Variants in ZFPM1 observed in about 807,000 individuals in gnomAD.
ZFPM1 encodes zinc finger protein ZFPM1.
In ZFPM1, 28 loss-of-function variants were observed where a neutral mutation model predicts 46.3. The ratio of observed to expected loss-of-function variants is 0.60; its 90% CI spans 0.45 to 0.83. The LOEUF (loss-of-function observed/expected upper bound fraction) is 0.83, where lower values mean the gene tolerates loss of function less well. Ranked by LOEUF, ZFPM1 falls within the 40% of genes least tolerant of loss-of-function variation. The pLI is 0.00. For synonymous variants in ZFPM1, 957 were observed against 675.9 expected (o/e 1.42, Z -6.45); for missense variants, 1,878 against 1,432.4 (o/e 1.31, Z -5.02).
At chr16:88,532,491 A>G (rs965092573) in intron 7 of ZFPM1, 123 bp from the exon 8 acceptor site, 2 of 1,056,052 alleles carry the variant, frequency 1.9e-6, no homozygotes, top group Middle Eastern at 2.2e-4. Context: ...GAGGGGTTTA[A>G]AGACCCTTCA....
At position 88,532,012 on chromosome 16, in the gene ZFPM1, C is replaced by T. The variant is rs747220840; in HGVS notation, c.723C>T (p.Phe241=). The T allele has an allele frequency of 6.2e-7, 1 of 1,604,084 alleles. No homozygotes were observed. The highest frequency in any genetic ancestry group is 1.3e-5 in the African/African-American group (1 of 74,844). The change falls in exon 7 of 10, where the codon TTC becomes TTT. Residue 241 remains phenylalanine, a synonymous_variant. Transcript: ENST00000319555. The part of the protein sequence containing the change: ...LATAVINKDV[F]PCKDCGIWYR... ...CTTCCCACCCCACAGAAGACGTCTT[C>T]CCCTGCAAGGACTGTGGCATCTGGT...
chr16:88,459,217 G>A (rs189867416), intron 1 of ZFPM1, among the ~76,000 whole-genome samples: 8 of 152,244 alleles, frequency 5.3e-5, no homozygotes, highest in African/African-American at 7.2e-5. Flanking sequence ...CCCACTCCCC[G>A]CTCAGGCCCA....
intron 3 of ZFPM1, among the ~76,000 whole-genome samples, chr16:88,511,978 G>C (rs1176405344): frequency 6.6e-6 from 1 of 152,086 alleles, no homozygotes; most frequent in Non-Finnish European, 1.5e-5. Flanking sequence ...GAGGCCCCTC[G>C]CCCAGCCCCC....
At position 88,490,915 on chromosome 16, in the gene ZFPM1, A is replaced by G. The variant is rs369482363; in HGVS notation, c.268+1762A>G. Among the ~76,000 whole-genome samples the G allele has an allele frequency of 1.6e-3, 239 of 152,246 alleles. 1 individual carries two copies. Among genetic ancestry groups the G allele is most frequent in the African/African-American group, 5.6e-3 (231 of 41,538 alleles). ...ACAGATGGTGGGGGTTCCAGGCGCCATGGTAGAAACTTGCTGGCTGCGTCC... is the reference window on the plus strand; with the variant it reads ...ACAGATGGTGGGGGTTCCAGGCGCCGTGGTAGAAACTTGCTGGCTGCGTCC... On this transcript the variant is annotated intron_variant, in intron 3 of 9. Coordinates refer to ENST00000319555, the MANE Select transcript of ZFPM1 (RefSeq NM_153813.3).
chr16:88,532,713 G>A lies in ZFPM1; in HGVS notation c.1042+4G>A, dbSNP rs1912889521. 5 of 1,612,048 alleles carry A rather than the reference G, an allele frequency of 3.1e-6. No individual in the cohort carries two copies. Among genetic ancestry groups the A allele is most frequent in the African/African-American group, 1.3e-5 (1 of 75,018 alleles). ...GTGCACACGGACACGCTGAGCGGTA[G>A]GCACCGCAGGGGCCGGGGGGTGTGT... On this transcript the variant is annotated splice_donor_region_variant and intron_variant, in intron 8 of 9. Coordinates refer to ENST00000319555, the MANE Select transcript of ZFPM1 (RefSeq NM_153813.3).
At chr16:88,511,475 G>T (rs183735923) in intron 3 of ZFPM1, among the ~76,000 whole-genome samples, 6 of 151,516 alleles carry the variant, frequency 4.0e-5, no homozygotes, top group African/African-American at 1.5e-4. Context: ...AACTGCCTGT[G>T]TCTTCCTGCC....
chr16:88,533,097 G>T, intron 9 of ZFPM1, 51 bp from the exon 10 acceptor site: 2 of 1,084,284 alleles, frequency 1.8e-6, no homozygotes, highest in Non-Finnish European at 1.2e-6. Flanking sequence ...AGCTCTGACC[G>T]GCCAGGTCCT....
intron 1 of ZFPM1, among the ~76,000 whole-genome samples, chr16:88,455,132 G>GGGGTGTGT (rs1181672760): frequency 1.3e-4 from 18 of 141,770 alleles, no homozygotes; most frequent in African/African-American, 3.8e-4. Flanking sequence ...TCGGTTCTGG[G>GGGGTGTGT]GTGTGTGTGT....
chr16:88,519,573 T>C (rs909385444), intron 4 of ZFPM1, among the ~76,000 whole-genome samples: 2 of 143,600 alleles, frequency 1.4e-5, no homozygotes, highest in Non-Finnish European at 3.0e-5. Context: ...GATGGATGGA[T>C]GAATGGGAGG....
intron 4 of ZFPM1, among the ~76,000 whole-genome samples, chr16:88,525,091 G>GT (rs1354401458): frequency 2.0e-5 from 3 of 152,278 alleles, no homozygotes; most frequent in African/African-American, 4.8e-5. Flanking sequence ...CCCAAAGGCT[G>GT]TATCTTGCTA....
chr16:88,525,134 G>A (rs1478144700), intron 4 of ZFPM1, among the ~76,000 whole-genome samples: 1 of 152,232 alleles, frequency 6.6e-6, no homozygotes, highest in African/African-American at 2.4e-5. Context: ...GGGCCAAGAG[G>A]CAGGGGTGGC....
At chr16:88,513,901 C>T (rs112657035) in intron 3 of ZFPM1, among the ~76,000 whole-genome samples, 1 of 152,208 alleles carries the variant, frequency 6.6e-6, no homozygotes. Flanking sequence ...TAGAAAGATA[C>T]TTGTCATTGG....
chr16:88,470,316 C>T (rs1406547277), intron 1 of ZFPM1, among the ~76,000 whole-genome samples: 4 of 152,166 alleles, frequency 2.6e-5, no homozygotes, highest in Admixed American at 2.6e-4. Flanking sequence ...CACGGGTGTC[C>T]CCTGTACTCT....
At chr16:88,467,690 C>T (rs1042508311) in intron 1 of ZFPM1, among the ~76,000 whole-genome samples, 2 of 152,154 alleles carry the variant, frequency 1.3e-5, no homozygotes, top group Non-Finnish European at 2.9e-5. Flanking sequence ...GGCTGCTGGG[C>T]GTGTTGGGCA....
At chr16:88,499,225 C>T (rs964190564) in intron 3 of ZFPM1, among the ~76,000 whole-genome samples, 2 of 152,178 alleles carry the variant, frequency 1.3e-5, no homozygotes, top group Admixed American at 1.3e-4. Flanking sequence ...GCCTCCACCC[C>T]GGGAAAGTCA....
At chr16:88,520,439 A>C (rs1358040323) in intron 4 of ZFPM1, among the ~76,000 whole-genome samples, 1 of 144,582 alleles carries the variant, frequency 6.9e-6, no homozygotes, top group African/African-American at 2.6e-5. Flanking sequence ...AGATGGATGG[A>C]TAGGTGGGTA....
chr16:88,529,940 A>G (rs1176092737), intron 6 of ZFPM1, among the ~76,000 whole-genome samples: 2 of 152,134 alleles, frequency 1.3e-5, no homozygotes, highest in Non-Finnish European at 2.9e-5. Context: ...GGCCAGGTCC[A>G]CACCTAAGCC....
intron 1 of ZFPM1, among the ~76,000 whole-genome samples, chr16:88,473,833 C>A (rs1908539715): frequency 6.6e-6 from 1 of 152,214 alleles, no homozygotes; most frequent in South Asian, 2.1e-4. Context: ...TCACCCTGTG[C>A]GGTGGTCCTT....
intron 4 of ZFPM1, among the ~76,000 whole-genome samples, chr16:88,519,329 A>G (rs981462248): frequency 1.4e-5 from 2 of 143,252 alleles, no homozygotes; most frequent in African/African-American, 5.3e-5. Context: ...GGATAGATGG[A>G]TGAGTGGATA....
Sources: gnomAD v4.1 joint callset for allele counts (sites outside exome capture counted in the v4.1 genomes callset) on GRCh38, gnomAD v4.1.1 for gene constraint, MANE v1.5 for transcripts, NCBI Gene and HGNC (gene_info 2026-07-23, HGNC 2026-07-21) for gene names.